PPP2R3C: variants seen among roughly 807,000 people sequenced by gnomAD.
The protein encoded by PPP2R3C is serine/threonine-protein phosphatase 2A regulatory subunit B'' subunit gamma.
In PPP2R3C, 47 loss-of-function variants were observed where a neutral mutation model predicts 63.7. That is an observed-to-expected ratio of 0.74 (90% confidence interval 0.58 to 0.94). PPP2R3C has a LOEUF of 0.94. Ranked by LOEUF, PPP2R3C falls within the 40% of genes least tolerant of loss-of-function variation. PPP2R3C has a pLI of 0.00. For synonymous variants in PPP2R3C, 180 were observed against 177.4 expected, an observed-to-expected ratio of 1.01 and a Z score of -0.12; for missense variants, 421 against 518.4, an observed-to-expected ratio of 0.81 and a Z score of 1.82.
Position 35,085,488 on chromosome 14 carries a change from A to G in PPP2R3C, c.*102T>C. On this transcript the variant is annotated 3_prime_UTR_variant, in exon 13 of 13. Coordinates refer to ENST00000261475, the MANE Select transcript of PPP2R3C (RefSeq NM_017917.4). The stretch of plus-strand genomic sequence containing the variant: ...AACATTTGCTGTGTTCTCTAGGCAT[A>G]TCAAGTGTTTTATTTAGACCATTTC... 2 of 1,073,998 alleles carry G rather than the reference A, an allele frequency of 1.9e-6. No individual in the cohort carries two copies. Among genetic ancestry groups the G allele is most frequent in the Non-Finnish European group, 2.6e-6 (2 of 776,116 alleles). The allele number at this position is 1,073,998 out of a possible 1,614,324, so 66.5% of individuals were successfully genotyped here.
chr14:35,122,209 G>T, upstream of PPP2R3C: 2 of 510,862 alleles, frequency 3.9e-6, no homozygotes, highest in Non-Finnish European at 7.1e-6. Flanking sequence ...CTTCAGAGGC[G>T]ACCCAAGCTC....
intron 2 of PPP2R3C, among the ~76,000 whole-genome samples, chr14:35,113,301 G>A (rs1321412157): frequency 6.6e-6 from 1 of 152,176 alleles, no homozygotes; most frequent in Non-Finnish European, 1.5e-5. Context: ...TGGGACCATG[G>A]AGAGGAAGAA....
Position 35,092,527 on chromosome 14 carries a change from C to T in PPP2R3C, c.976-1320G>A, listed in dbSNP as rs1370941088. 7.2e-5 allele frequency among the ~76,000 whole-genome samples: 11 copies of T among 151,964 alleles called. No homozygotes were observed. The East Asian group carries it at 9.6e-4, about 13-fold the overall frequency. On this transcript the variant is annotated intron_variant, in intron 10 of 12. Coordinates refer to ENST00000261475, the MANE Select transcript of PPP2R3C (RefSeq NM_017917.4). ...TGTTGCCCAGGCTGGAGTGCAATGG[C>T]GCGATCCTGGCTCACCACAACCTCT...
rs776610740 is a variant in PPP2R3C, at chr14:35,096,552, A to G, written c.838+6T>C. On this transcript the variant is annotated splice_donor_region_variant and intron_variant, in intron 9 of 12. Coordinates refer to ENST00000261475, the MANE Select transcript of PPP2R3C (RefSeq NM_017917.4). ...TTCAAATTTTAGCATTATGATAGGA[A>G]CATACCATAAACTCTTAGGGCAGAA... is the stretch of plus-strand genomic sequence containing the variant. 2 of 1,608,780 alleles carry G rather than the reference A, an allele frequency of 1.2e-6. No homozygotes were observed. The highest frequency in any genetic ancestry group is 1.7e-6 in the Non-Finnish European group (2 of 1,175,500).
chr14:35,106,037 G>A (rs970397825), intron 6 of PPP2R3C, among the ~76,000 whole-genome samples: 6 of 151,112 alleles, frequency 4.0e-5, no homozygotes, highest in African/African-American at 1.5e-4. Flanking sequence ...AGTAGAGATG[G>A]GGTTTCACCG....
chr14:35,091,660 C>T (rs1404626176), intron 10 of PPP2R3C, among the ~76,000 whole-genome samples: 2 of 151,218 alleles, frequency 1.3e-5, no homozygotes, highest in Non-Finnish European at 2.9e-5. Flanking sequence ...AGCCACCCTG[C>T]CCAGCCATAG....
chr14:35,085,921 T>G, intron 12 of PPP2R3C, 143 bp from the exon 13 acceptor site: 1 of 658,432 alleles, frequency 1.5e-6, no homozygotes, highest in South Asian at 2.6e-5. Context: ...TGTTAATTTT[T>G]TGTTCTACTT....
intron 1 of PPP2R3C, 58 bp downstream of exon 1, chr14:35,121,844 C>G: frequency 6.3e-7 from 1 of 1,585,032 alleles, no homozygotes; most frequent in Non-Finnish European, 8.6e-7. Context: ...CACCTCCCCC[C>G]TACCTCTAGG....
chr14:35,092,404 T>G (rs2045849930), intron 10 of PPP2R3C, among the ~76,000 whole-genome samples: 1 of 152,038 alleles, frequency 6.6e-6, no homozygotes, highest in Non-Finnish European at 1.5e-5. Flanking sequence ...AGCTATAAAC[T>G]TATAACTTCA....
chr14:35,107,622 A>G, intron 5 of PPP2R3C: 1 of 469,124 alleles, frequency 2.1e-6, no homozygotes, highest in East Asian at 3.4e-5. Context: ...GTGTTCCACC[A>G]AACAGGGACA....
chr14:35,118,569 C>A (rs1444435517), intron 1 of PPP2R3C, among the ~76,000 whole-genome samples: 1 of 150,850 alleles, frequency 6.6e-6, no homozygotes, highest in African/African-American at 2.4e-5. Flanking sequence ...AACAGGCATG[C>A]AATAAATATC....
chr14:35,119,203 A>G (rs781450991), intron 1 of PPP2R3C, among the ~76,000 whole-genome samples: 5 of 151,860 alleles, frequency 3.3e-5, no homozygotes, highest in Non-Finnish European at 7.4e-5. Flanking sequence ...GCGCCCAGCT[A>G]CTTTTTGTAT....
intron 12 of PPP2R3C, chr14:35,086,834 C>G (rs1368705062): frequency 6.6e-6 from 1 of 151,788 alleles, no homozygotes; most frequent in African/African-American, 2.4e-5. Context: ...GAGTGTCCCT[C>G]TGTCCCAGGC....
At chr14:35,117,866 G>C (rs544459718) in intron 1 of PPP2R3C, among the ~76,000 whole-genome samples, 3 of 152,016 alleles carry the variant, frequency 2.0e-5, no homozygotes, top group Non-Finnish European at 1.5e-5. Context: ...GGCTAATTTT[G>C]TATTTTTAGT....
At chr14:35,112,414 C>T (rs1299395291) in intron 2 of PPP2R3C, among the ~76,000 whole-genome samples, 1 of 152,180 alleles carries the variant, frequency 6.6e-6, no homozygotes, top group Non-Finnish European at 1.5e-5. Flanking sequence ...GAATAATTTA[C>T]TTTAAAGAGT....
At chr14:35,116,283 A>C (rs569740734) in intron 2 of PPP2R3C, among the ~76,000 whole-genome samples, 12 of 151,418 alleles carry the variant, frequency 7.9e-5, no homozygotes, top group African/African-American at 2.4e-4. Context: ...ACAGGGTCTA[A>C]CTCTGTTACC....
intron 2 of PPP2R3C, among the ~76,000 whole-genome samples, chr14:35,113,920 T>A (rs915664269): frequency 6.6e-6 from 1 of 152,088 alleles, no homozygotes; most frequent in Non-Finnish European, 1.5e-5. Context: ...ACCAGCTCTT[T>A]TCAGAGTCAG....
intron 7 of PPP2R3C, among the ~76,000 whole-genome samples, chr14:35,097,711 T>C (rs781152965): frequency 1.3e-5 from 2 of 152,166 alleles, no homozygotes; most frequent in Non-Finnish European, 2.9e-5. Context: ...CTTGAACACC[T>C]GACCTCAGAT....
At chr14:35,099,185 C>G (rs777819055) in intron 7 of PPP2R3C, 67 bp downstream of exon 7, 2 of 1,385,520 alleles carry the variant, frequency 1.4e-6, no homozygotes, top group South Asian at 3.4e-5. Context: ...AGAGTTTTCT[C>G]TAGTTATTGA....
Sources: gnomAD v4.1 joint callset for allele counts (sites outside exome capture counted in the v4.1 genomes callset) on GRCh38, gnomAD v4.1.1 for gene constraint, MANE v1.5 for transcripts, NCBI Gene and HGNC (gene_info 2026-07-23, HGNC 2026-07-21) for gene names.